COP1: variants seen among roughly 807,000 people sequenced by gnomAD.
COP1 encodes COP1 E3 ubiquitin ligase.
In COP1, 24 loss-of-function variants were observed where a neutral mutation model predicts 101.3. The ratio of observed to expected loss-of-function variants is 0.24; its 90% CI spans 0.17 to 0.33. The LOEUF is 0.33. Among genes scored for constraint, COP1 ranks in the 10% least tolerant of loss-of-function variants. The probability of loss-of-function intolerance (pLI) is 1.00; values close to 1 mark genes in which losing one functional copy is unlikely to be tolerated. For missense variants in COP1, 663 were observed against 906.2 expected, an observed-to-expected ratio of 0.73 and a Z score of 3.45; for synonymous variants, 347 against 341.9, an observed-to-expected ratio of 1.01 and a Z score of -0.17.
At chr1:176,045,316 C>T (rs763925564) in intron 12 of COP1, among the ~76,000 whole-genome samples, 1 of 151,942 alleles carries the variant, frequency 6.6e-6, no homozygotes, top group Non-Finnish European at 1.5e-5. Flanking sequence ...ATGATGAGTG[C>T]CACAAATGAA....
chr1:176,058,242 C>T (rs868035068), intron 11 of COP1, among the ~76,000 whole-genome samples: 34 of 151,814 alleles, frequency 2.2e-4, no homozygotes, highest in African/African-American at 8.0e-4. Flanking sequence ...CCCCTCTGCC[C>T]GGCCACCACC....
At chr1:176,125,002 AT>A (rs1558157393) in intron 8 of COP1, among the ~76,000 whole-genome samples, 1 of 152,086 alleles carries the variant, frequency 6.6e-6, no homozygotes, top group Non-Finnish European at 1.5e-5. Context: ...TGTGATTTGC[AT>A]TTCTGATGAT....
chr1:175,946,449 C>T (rs1558150546), intron 19 of COP1, among the ~76,000 whole-genome samples: 2 of 152,152 alleles, frequency 1.3e-5, no homozygotes, highest in Admixed American at 1.3e-4. Flanking sequence ...GAGAAACACA[C>T]ACGTTATGTT....
At chr1:176,190,991 A>T (rs1016553817) in intron 1 of COP1, among the ~76,000 whole-genome samples, 1 of 152,078 alleles carries the variant, frequency 6.6e-6, no homozygotes, top group South Asian at 2.1e-4. Flanking sequence ...AACAAGCAGT[A>T]GTTACACCTC....
Position 176,206,876 on chromosome 1 carries a change from G to A in COP1, c.103C>T (p.Pro35Ser), listed in dbSNP as rs1700919717. 6.9e-7 allele frequency: 1 copy of A among 1,447,616 alleles called. No homozygotes were observed. Among genetic ancestry groups the A allele is most frequent in the African/African-American group, 1.5e-5 (1 of 67,976 alleles). The allele number at this position is 1,447,616 out of a possible 1,614,324, so 89.7% of individuals were successfully genotyped here. A position where few individuals can be genotyped will look rare whatever the true frequency, so the allele number is the denominator to read the frequency against. The change falls in exon 1 of 20, where the codon CCG (proline) becomes TCG (serine). Residue 35 changes from proline (P) to serine (S), a missense_variant. By Grantham distance (74) the Pro-to-Ser change is moderately conservative. Around this residue, in one of 4 missense-constraint regions of COP1, gnomAD observed 204 missense variants for 203.6 expected, o/e 1.00. Coordinates refer to ENST00000367669, the MANE Select transcript of COP1 (RefSeq NM_022457.7). ...TSASSSLSSS[P>S]SPPSVAVSAA... Reference sequence around the variant, plus strand: ...GAAACCGCCACGGAAGGCGGCGACGGGGAAGAGGATAAAGACGAGGAGGCG... The same window carrying A: ...GAAACCGCCACGGAAGGCGGCGACGAGGAAGAGGATAAAGACGAGGAGGCG...
At position 176,095,579 on chromosome 1, in the gene COP1, G is replaced by C. The variant is rs183439383; in HGVS notation, c.1027-9689C>G. On this transcript the variant is annotated intron_variant, in intron 9 of 19. Coordinates refer to ENST00000367669, the MANE Select transcript of COP1 (RefSeq NM_022457.7). Reference sequence around the variant, plus strand: ...CACCTGCAGTCCCAGCTATTGGGGAGGCTGAGGTAAGAGGATGGCTTGAGC... The same window carrying C: ...CACCTGCAGTCCCAGCTATTGGGGACGCTGAGGTAAGAGGATGGCTTGAGC... Among the ~76,000 whole-genome samples, 614 of 152,270 alleles carry C rather than the reference G, an allele frequency of 4.0e-3. 2 individuals are homozygous for C. The highest frequency in any genetic ancestry group is 7.2e-3 in the Non-Finnish European group (491 of 68,020).
intron 2 of COP1, among the ~76,000 whole-genome samples, chr1:176,178,000 T>C (rs1201485754): frequency 1.3e-5 from 2 of 152,180 alleles, no homozygotes; most frequent in African/African-American, 4.8e-5. Context: ...AAAAATGACC[T>C]GCACAATGTT....
chr1:175,950,217 A>C (rs1387580828), intron 18 of COP1, among the ~76,000 whole-genome samples: 2 of 151,198 alleles, frequency 1.3e-5, no homozygotes, highest in Non-Finnish European at 3.0e-5. Flanking sequence ...TATGTGTTAA[A>C]AAAAAAAAAA....
intron 14 of COP1, among the ~76,000 whole-genome samples, chr1:176,031,314 G>C (rs1231467908): frequency 6.6e-6 from 1 of 152,082 alleles, no homozygotes; most frequent in Non-Finnish European, 1.5e-5. Flanking sequence ...TAATCTTTTG[G>C]AGGAAGCGTA....
intron 8 of COP1, among the ~76,000 whole-genome samples, chr1:176,129,296 C>T (rs1688532437): frequency 6.6e-6 from 1 of 151,672 alleles, no homozygotes; most frequent in East Asian, 1.9e-4. Flanking sequence ...AAAGGTATGT[C>T]TCAAAAATGT....
rs1700958051 is a variant in COP1, at chr1:176,207,232, C to G, written c.-254G>C. 4 of 400,016 alleles carry G rather than the reference C, an allele frequency of 1.0e-5. No homozygotes were observed. The highest frequency in any genetic ancestry group is 1.8e-5 in the Non-Finnish European group (4 of 227,490). The allele number at this position is 400,016 out of a possible 1,614,324, so 24.8% of individuals were successfully genotyped here. A position where few individuals can be genotyped will look rare whatever the true frequency, so the allele number is the denominator to read the frequency against. On this transcript the variant is annotated 5_prime_UTR_variant, in exon 1 of 20. Transcript: ENST00000367669. ...TCGAGGCCGCCGCCGCCACCGCGGTCCCTGTAGCAGCCAACCCCGGCGCGC... is the reference window on the plus strand; with the variant it reads ...TCGAGGCCGCCGCCGCCACCGCGGTGCCTGTAGCAGCCAACCCCGGCGCGC...
At chr1:176,015,016 T>C (rs530446882) in intron 15 of COP1, among the ~76,000 whole-genome samples, 2 of 152,252 alleles carry the variant, frequency 1.3e-5, no homozygotes, top group East Asian at 1.9e-4. Context: ...GGAAAGGTAA[T>C]GACTGGGTGA....
chr1:176,125,716 G>A (rs1391543958), intron 8 of COP1, among the ~76,000 whole-genome samples: 4 of 151,990 alleles, frequency 2.6e-5, no homozygotes, highest in African/African-American at 9.7e-5. Flanking sequence ...TGGGTCTTTC[G>A]TGATTCCATA....
At chr1:176,034,744 G>A (rs780040064) in intron 14 of COP1, among the ~76,000 whole-genome samples, 8 of 152,116 alleles carry the variant, frequency 5.3e-5, no homozygotes, top group East Asian at 1.9e-4. Flanking sequence ...AATGCTTTGC[G>A]CACTGAACTA....
In COP1 at chr1:176,081,110, G is replaced by A. The variant is rs547295937; in HGVS notation, c.1277+42C>T. On this transcript the variant is annotated intron_variant, in intron 11 of 19. Coordinates refer to ENST00000367669, the MANE Select transcript of COP1 (RefSeq NM_022457.7). ...GCTTCTCAAATTCAATTAGATTCTA[G>A]ACATTCTTACAAAAGAAAATAGTAA... 19 of 1,501,384 alleles carry A rather than the reference G, an allele frequency of 1.3e-5. No individual in the cohort carries two copies. In the African/African-American group the frequency reaches 2.4e-4, roughly 19 times the overall value. The allele number at this position is 1,501,384 out of a possible 1,614,324, so 93.0% of individuals were successfully genotyped here. A position where few individuals can be genotyped will look rare whatever the true frequency, so the allele number is the denominator to read the frequency against.
chr1:176,069,484 T>G (rs1676596014), intron 11 of COP1, among the ~76,000 whole-genome samples: 1 of 152,184 alleles, frequency 6.6e-6, no homozygotes, highest in South Asian at 2.1e-4. Context: ...TTTAAGTTAT[T>G]TATCCTCCAA....
rs143597516 is a variant in COP1 at position 176,181,878 on chromosome 1, C to T, written c.467+2755G>A. 2.2e-4 allele frequency among the ~76,000 whole-genome samples: 34 copies of T among 151,424 alleles called. No individual in the cohort carries two copies. The East Asian group carries it at 5.2e-3, about 23-fold the overall frequency. On this transcript the variant is annotated intron_variant, in intron 2 of 19. Coordinates refer to ENST00000367669, the MANE Select transcript of COP1 (RefSeq NM_022457.7). ...CCAAACAAATAAACAAAAAAACACA[C>T]GTTCTCATCAGGGTATAACATAAAA...
intron 18 of COP1, among the ~76,000 whole-genome samples, chr1:175,967,598 C>A (rs1449499919): frequency 6.6e-6 from 1 of 152,148 alleles, no homozygotes; most frequent in African/African-American, 2.4e-5. Flanking sequence ...AACTTAACAG[C>A]AAAACACACA....
At chr1:176,100,652 C>G (rs1020824393) in intron 9 of COP1, among the ~76,000 whole-genome samples, 1 of 152,094 alleles carries the variant, frequency 6.6e-6, no homozygotes, top group Admixed American at 6.5e-5. Context: ...AAACAGAATG[C>G]CCGTCACTCG....
Sources: gnomAD v4.1 joint callset for allele counts (sites outside exome capture counted in the v4.1 genomes callset) on GRCh38, gnomAD v4.1.1 for gene constraint, gnomAD v4.1.1 regional missense constraint, MANE v1.5 for transcripts, NCBI Gene and HGNC (gene_info 2026-07-23, HGNC 2026-07-21) for gene names.